Variants in GRB14 observed in about 807,000 individuals in gnomAD.
GRB14 encodes growth factor receptor-bound protein 14.
Under a neutral mutation model 69.1 loss-of-function variants are expected in GRB14, and 38 were observed. The ratio of observed to expected loss-of-function variants is 0.55; its 90% CI spans 0.42 to 0.72. The LOEUF (loss-of-function observed/expected upper bound fraction) is 0.72, where lower values mean the gene tolerates loss of function less well. Among genes scored for constraint, GRB14 ranks in the 30% least tolerant of loss-of-function variants. The probability of loss-of-function intolerance (pLI) is 0.00; values close to 1 mark genes in which losing one functional copy is unlikely to be tolerated. For missense variants in GRB14, 666 were observed against 666.1 expected (o/e 1.00, Z 0.00); for synonymous variants, 247 against 241.3 (o/e 1.02, Z -0.22).
At chr2:164,567,874 A>AAT (rs1330154615) in intron 2 of GRB14, among the ~76,000 whole-genome samples, 1 of 152,194 alleles carries the variant, frequency 6.6e-6, no homozygotes, top group Non-Finnish European at 1.5e-5. Context: ...TAAACAGTAA[A>AAT]ATAATTGTAT....
intron 4 of GRB14, among the ~76,000 whole-genome samples, chr2:164,526,711 C>T (rs570159253): frequency 6.6e-6 from 1 of 152,018 alleles, no homozygotes; most frequent in Admixed American, 6.6e-5. Context: ...ATAATTGTTA[C>T]CTTTTCACAA....
chr2:164,564,254 A>C (rs1419144615), intron 2 of GRB14, among the ~76,000 whole-genome samples: 12 of 152,176 alleles, frequency 7.9e-5, no homozygotes, highest in Admixed American at 7.8e-4. Context: ...AAGCCCAAGG[A>C]GGCAAACGAT....
chr2:164,563,248 G>C (rs1378509793), intron 2 of GRB14, among the ~76,000 whole-genome samples: 2 of 152,068 alleles, frequency 1.3e-5, no homozygotes, highest in Non-Finnish European at 2.9e-5. Context: ...TTCATATCTG[G>C]CACCAGAATA....
intron 2 of GRB14, among the ~76,000 whole-genome samples, chr2:164,619,450 C>A (rs1690390208): frequency 6.6e-6 from 1 of 152,126 alleles, no homozygotes; most frequent in Non-Finnish European, 1.5e-5. Context: ...TATATATATT[C>A]TCTGTTTTAA....
chr2:164,573,925 T>A lies in GRB14; in HGVS notation c.325-26109A>T, dbSNP rs1357485226. 6 of 1,613,120 alleles carry A rather than the reference T, an allele frequency of 3.7e-6. No homozygotes were observed. The East Asian group carries it at 1.3e-4, about 36-fold the overall frequency. ...TAGGTCATGTGGTTATGGGTAACAA[T>A]GCAGTCTCACCCTATCAGCAAGTGA... On this transcript the variant is annotated intron_variant, in intron 2 of 13. Transcript: ENST00000263915.
At chr2:164,579,856 G>T (rs999423547) in intron 2 of GRB14, among the ~76,000 whole-genome samples, 18 of 152,228 alleles carry the variant, frequency 1.2e-4, no homozygotes, top group Admixed American at 7.2e-4. Flanking sequence ...CAAGAGAACA[G>T]AGGAGATCAT....
chr2:164,607,198 TTTATA>T (rs1368673937), intron 2 of GRB14, among the ~76,000 whole-genome samples: 1 of 152,222 alleles, frequency 6.6e-6, no homozygotes, highest in Non-Finnish European at 1.5e-5. Context: ...TTTGATATCA[TTTATA>T]TTAAAATATC....
At position 164,508,465 on chromosome 2, in the gene GRB14, C is replaced by A; in HGVS notation, c.1013G>T (p.Arg338Ile). The part of the protein sequence containing the change: ...QSRTCWVTAI[R>I]LLKYGMQLYQ... Reference sequence around the variant, plus strand: ...CTCCGGCGAGATTACCTTAAGCAATCTAATCGCGGTCACCCAGCACGTCCT... The same window carrying A: ...CTCCGGCGAGATTACCTTAAGCAATATAATCGCGGTCACCCAGCACGTCCT... Residue 338 changes from arginine to isoleucine, a missense_variant, in exon 8 of 14, where the codon AGA becomes ATA. Transcript: ENST00000263915. The A allele has an allele frequency of 6.2e-7, 1 of 1,613,756 alleles. No individual in the cohort carries two copies. Among genetic ancestry groups the A allele is most frequent in the East Asian group, 2.2e-5 (1 of 44,892 alleles).
chr2:164,544,957 C>A (rs1688334855), intron 3 of GRB14, among the ~76,000 whole-genome samples: 1 of 152,308 alleles, frequency 6.6e-6, no homozygotes, highest in African/African-American at 2.4e-5. Context: ...ACCTTTTCTG[C>A]CAAAATCATT....
intron 8 of GRB14, among the ~76,000 whole-genome samples, chr2:164,502,651 TA>T (rs569764293): frequency 1.1e-3 from 159 of 141,474 alleles, no homozygotes; most frequent in Middle Eastern, 7.5e-3. Context: ...TGCCTCATGA[TA>T]AAAAAAAAAA....
intron 8 of GRB14, among the ~76,000 whole-genome samples, chr2:164,505,356 T>G (rs540216180): frequency 6.6e-6 from 1 of 152,302 alleles, no homozygotes; most frequent in South Asian, 2.1e-4. Flanking sequence ...ATTTCGAAAT[T>G]TAACATCTAT....
intron 2 of GRB14, among the ~76,000 whole-genome samples, chr2:164,578,017 G>A (rs1024854717): frequency 5.9e-5 from 9 of 152,100 alleles, no homozygotes; most frequent in Admixed American, 6.6e-5. Flanking sequence ...GGCAGATCAC[G>A]AGGTCAGGAG....
Position 164,621,236 on chromosome 2 carries a change from T to A in GRB14, c.74A>T (p.Gln25Leu). ...CCTCCCCTGGGCAGCGCCACACACC[T>A]GGGCGGCCAGCGGCGAATCCCGGGC... The part of the protein sequence containing the change: ...AAARDSPLAA[Q>L]VCGAAQGRGD... Residue 25 changes from glutamine to leucine, a missense_variant, in exon 1 of 14, where the codon CAG becomes CTG. Transcript: ENST00000263915. This position sits in a 1 kb window ranked among gnomAD's most constrained non-coding sequence, Gnocchi z 6.0. The A allele has an allele frequency of 7.9e-7, 1 of 1,264,724 alleles. No homozygotes were observed. The allele number at this position is 1,264,724 out of a possible 1,614,324, so 78.3% of individuals were successfully genotyped here. A position where few individuals can be genotyped will look rare whatever the true frequency, so the allele number is the denominator to read the frequency against.
chr2:164,585,226 G>A (rs1425786056), intron 2 of GRB14, among the ~76,000 whole-genome samples: 1 of 148,078 alleles, frequency 6.8e-6, no homozygotes, highest in African/African-American at 2.5e-5. Flanking sequence ...GGGATTACAG[G>A]TGTGAACCAT....
Position 164,493,174 on chromosome 2 carries a change from A to G in GRB14, c.1485T>C (p.Asp495=). Residue 495 remains aspartate (D), a synonymous_variant, in exon 14 of 14, where the codon GAT becomes GAC. Coordinates refer to ENST00000263915, the MANE Select transcript of GRB14 (RefSeq NM_004490.3). ...IKHFQIIPVE[D]DGEMFHTLDD... The stretch of plus-strand genomic sequence containing the variant: ...CCAGTGTGTGGAACATTTCACCGTC[A>G]TCTTCTACCTGCAAAAAGAAAAGCA... 1 of 1,612,290 alleles carries G rather than the reference A, an allele frequency of 6.2e-7. No homozygotes were observed. Among genetic ancestry groups the G allele is most frequent in the Non-Finnish European group, 8.5e-7 (1 of 1,179,212 alleles).
At chr2:164,550,598 C>T (rs1249631013) in intron 2 of GRB14, among the ~76,000 whole-genome samples, 1 of 152,074 alleles carries the variant, frequency 6.6e-6, no homozygotes, top group East Asian at 1.9e-4. Flanking sequence ...ATGGTCTATT[C>T]CTTTGACCCA....
At chr2:164,537,509 T>C (rs1688108894) in intron 3 of GRB14, among the ~76,000 whole-genome samples, 1 of 151,952 alleles carries the variant, frequency 6.6e-6, no homozygotes. Flanking sequence ...GGCAGACAGG[T>C]CACAAGATGC....
At chr2:164,493,867 A>G (rs1354089406) in intron 13 of GRB14, among the ~76,000 whole-genome samples, 1 of 152,128 alleles carries the variant, frequency 6.6e-6, no homozygotes, top group Non-Finnish European at 1.5e-5. Flanking sequence ...AATATACTAT[A>G]CACATCACAT....
At chr2:164,508,637 A>G (rs1213007505) in intron 7 of GRB14, 87 bp from the exon 8 acceptor site, 2 of 1,435,734 alleles carry the variant, frequency 1.4e-6, no homozygotes, top group East Asian at 2.3e-5. Flanking sequence ...ATTCTCCTAT[A>G]TATAAGAGAA....
Sources: gnomAD v4.1 joint callset for allele counts (sites outside exome capture counted in the v4.1 genomes callset) on GRCh38, gnomAD v4.1.1 for gene constraint, Gnocchi (gnomAD v3.1) non-coding constraint, MANE v1.5 for transcripts, NCBI Gene and HGNC (gene_info 2026-07-23, HGNC 2026-07-21) for gene names.